Variants in MTPAP observed in about 807,000 individuals in gnomAD.
The protein encoded by MTPAP is mitochondrial poly(A) polymerase, also known as poly(A) RNA polymerase, mitochondrial.
In MTPAP, 23 loss-of-function variants were observed where a neutral mutation model predicts 48.7. The ratio of observed to expected loss-of-function variants is 0.47; its 90% confidence interval spans 0.34 to 0.67. MTPAP has a LOEUF of 0.67. MTPAP is among the 30% of genes least tolerant of loss of function. The probability of loss-of-function intolerance (pLI) is 0.01; values close to 1 mark genes in which losing one functional copy is unlikely to be tolerated. For missense variants in MTPAP, 614 were observed against 694.3 expected, an observed-to-expected ratio of 0.88 and a Z score of 1.30; for synonymous variants, 257 against 254.1, an observed-to-expected ratio of 1.01 and a Z score of -0.11.
In MTPAP at chr10:30,309,839, T is replaced by C. The variant is rs1840570873; in HGVS notation, c.*3770A>G. ...CAACTTTATTTTCCCTTCTCCTTTA[T>C]GGTAACTGAAGGTGAATGAGATAAT... On this transcript the variant is annotated 3_prime_UTR_variant, in exon 9 of 9. Transcript: ENST00000263063. The C allele has an allele frequency of 6.6e-6, 1 of 152,246 alleles. No homozygotes were observed. The allele number at this position is 152,246 out of a possible 1,614,324, so 9.4% of individuals were successfully genotyped here.
In MTPAP at chr10:30,337,022, G is replaced by C; in HGVS notation, c.561C>G (p.Asp187Glu). The change falls in exon 4 of 9, where the codon GAC becomes GAG. Residue 187 changes from aspartate (D) to glutamate (E), a missense_variant. Asp to Glu is a conservative substitution (Grantham distance 45). Around this residue, in one of 5 missense-constraint regions of MTPAP, gnomAD observed 114 missense variants for 107.9 expected, o/e 1.06. Transcript: ENST00000263063. ...CCTTCAAGAGAGTGTTCAGCTGATC[G>C]TCTATCTAGCTAGCCGAAACAAAAC... ...FELLCYAESI[D>E]DQLNTLLKEF... is the part of the protein sequence containing the mutation. The C allele has an allele frequency of 1.2e-6, 2 of 1,612,098 alleles. No homozygotes were observed. The highest frequency in any genetic ancestry group is 1.7e-6 in the Non-Finnish European group (2 of 1,179,126).
At chr10:30,316,237 C>CG in intron 6 of MTPAP, 27 bp from the exon 7 acceptor site, 1 of 1,567,940 alleles carries the variant, frequency 6.4e-7, no homozygotes, top group African/African-American at 1.4e-5. Flanking sequence ...AAATATTTCA[C>CG]GTGTTTTTTT....
chr10:30,341,386 A>G, intron 2 of MTPAP, 82 bp downstream of exon 2: 1 of 1,523,522 alleles, frequency 6.6e-7, no homozygotes, highest in African/African-American at 1.4e-5. Flanking sequence ...TATTGCAAAA[A>G]GCAACAGCAA....
chr10:30,325,866 A>G (rs762229074), intron 5 of MTPAP, among the ~76,000 whole-genome samples: 1 of 151,490 alleles, frequency 6.6e-6, no homozygotes, highest in Non-Finnish European at 1.5e-5. Flanking sequence ...ACAAATCACT[A>G]GGATAATACA....
At chr10:30,325,885 AG>A (rs1834589886) in intron 5 of MTPAP, among the ~76,000 whole-genome samples, 2 of 142,984 alleles carry the variant, frequency 1.4e-5, no homozygotes, top group Non-Finnish European at 3.0e-5. Flanking sequence ...CAATGCACAT[AG>A]GCTGAACAAA....
chr10:30,346,200 A>C (rs1834872132), intron 1 of MTPAP, among the ~76,000 whole-genome samples: 1 of 152,182 alleles, frequency 6.6e-6, no homozygotes, highest in Admixed American at 6.5e-5. Flanking sequence ...TTCTGGATTG[A>C]GGATAGGAAG....
chr10:30,330,971 T>A (rs929709569), intron 4 of MTPAP, among the ~76,000 whole-genome samples: 7 of 152,180 alleles, frequency 4.6e-5, no homozygotes, highest in African/African-American at 1.7e-4. Flanking sequence ...GGTGATGTGT[T>A]AAGCCACTGA....
At chr10:30,331,200 G>T (rs545188302) in intron 4 of MTPAP, among the ~76,000 whole-genome samples, 38 of 152,258 alleles carry the variant, frequency 2.5e-4, no homozygotes, top group Non-Finnish European at 4.4e-4. Context: ...TAGAAAAACT[G>T]TTCACAGACA....
chr10:30,329,886 G>A (rs938148507), intron 4 of MTPAP, among the ~76,000 whole-genome samples: 1 of 151,344 alleles, frequency 6.6e-6, no homozygotes, highest in South Asian at 2.1e-4. Context: ...ACAGTAGATT[G>A]AACTGCCAAG....
In MTPAP at chr10:30,312,946, GT is replaced by G. The variant is rs1421051893; in HGVS notation, c.*662del. 6.6e-6 allele frequency: 1 copy of G among 152,280 alleles called. No homozygotes were observed. The highest frequency in any genetic ancestry group is 1.5e-5 in the Non-Finnish European group (1 of 68,084). 9.4% of individuals were successfully genotyped at this position (152,280 alleles called of 1,614,324 possible). A position where few individuals can be genotyped will look rare whatever the true frequency, so the allele number is the denominator to read the frequency against. On this transcript the variant is annotated 3_prime_UTR_variant, in exon 9 of 9. Coordinates refer to ENST00000263063, the MANE Select transcript of MTPAP (RefSeq NM_018109.4). ...TACCTAAGAATGCAGTGACTGAAAT[GT>G]CTGTTCTAAAAACATAAACATTTTT...
At position 30,349,192 on chromosome 10, in the gene MTPAP, C is replaced by T; in HGVS notation, c.84G>A (p.Arg28=). 1 of 1,612,244 alleles carries T rather than the reference C, an allele frequency of 6.2e-7. No homozygotes were observed. Among genetic ancestry groups the T allele is most frequent in the Non-Finnish European group, 8.5e-7 (1 of 1,179,566 alleles). ...RRTRVQRPIV[R]LLSCPGTVAK... is the part of the protein sequence containing the mutation. ...CCACAGTTCCTGGGCAACTCAAAAG[C>T]CTGACGATAGGCCGCTGGACTCGAG... Residue 28 remains arginine (R), a synonymous_variant, in exon 1 of 9, where the codon AGG becomes AGA. Coordinates refer to ENST00000263063, the MANE Select transcript of MTPAP (RefSeq NM_018109.4).
In MTPAP at chr10:30,313,305, C is replaced by T. The variant is rs1286524824; in HGVS notation, c.*304G>A. 3.5e-5 allele frequency: 13 copies of T among 367,592 alleles called. No homozygotes were observed. The highest frequency in any genetic ancestry group is 6.0e-5 in the Non-Finnish European group (12 of 199,152). The allele number at this position is 367,592 out of a possible 1,614,324, so 22.8% of individuals were successfully genotyped here. On this transcript the variant is annotated 3_prime_UTR_variant, in exon 9 of 9. Coordinates refer to ENST00000263063, the MANE Select transcript of MTPAP (RefSeq NM_018109.4). ...AGATGGAATCTTGCTATGTTGTCCACGATGGATTCAAAATCCTGGGCTCAA... is the reference window on the plus strand; with the variant it reads ...AGATGGAATCTTGCTATGTTGTCCATGATGGATTCAAAATCCTGGGCTCAA...
At chr10:30,322,989 C>A (rs1256614971) in intron 5 of MTPAP, among the ~76,000 whole-genome samples, 1 of 151,286 alleles carries the variant, frequency 6.6e-6, no homozygotes, top group Non-Finnish European at 1.5e-5. Flanking sequence ...TTCAGCTGGG[C>A]GTGGTGGCGT....
intron 5 of MTPAP, among the ~76,000 whole-genome samples, chr10:30,323,756 C>T (rs1002270325): frequency 7.9e-5 from 12 of 152,192 alleles, no homozygotes; most frequent in Admixed American, 5.2e-4. Context: ...GTGATCCACT[C>T]GCCTCGGCCT....
chr10:30,320,731 G>A (rs900353966), intron 6 of MTPAP, among the ~76,000 whole-genome samples: 10 of 152,164 alleles, frequency 6.6e-5, no homozygotes, highest in African/African-American at 2.4e-4. Flanking sequence ...AGGACAACAG[G>A]GCCTTAACAT....
At chr10:30,347,267 G>C (rs1164370752) in intron 1 of MTPAP, among the ~76,000 whole-genome samples, 1 of 152,170 alleles carries the variant, frequency 6.6e-6, no homozygotes, top group Non-Finnish European at 1.5e-5. Flanking sequence ...AACCATTAGA[G>C]GCTGACCAAA....
At chr10:30,337,466 C>CGGT (rs1381426503) in intron 3 of MTPAP, among the ~76,000 whole-genome samples, 1 of 152,000 alleles carries the variant, frequency 6.6e-6, no homozygotes, top group African/African-American at 2.4e-5. Flanking sequence ...AGGCCAGGCG[C>CGGT]GGTGGCTCAT....
In MTPAP at chr10:30,313,691, T is replaced by G. The variant is rs1415093650; in HGVS notation, c.1667A>C (p.Asn556Thr). Residue 556 changes from asparagine (N) to threonine (T), a missense_variant, in exon 9 of 9, where the codon AAC (asparagine) becomes ACC (threonine). Asn to Thr is a moderately conservative substitution (Grantham distance 65). Transcript: ENST00000263063. ...SNKFAIETVK[N>T]LLESLKGNRT... ...GTTACCTTTTAAAGATTCTAGCAAGTTTTTGACTGTTTCAATTGCAAACTT... is the reference window on the plus strand; with the variant it reads ...GTTACCTTTTAAAGATTCTAGCAAGGTTTTGACTGTTTCAATTGCAAACTT... 2.5e-6 allele frequency: 4 copies of G among 1,614,194 alleles called. No homozygotes were observed. The highest frequency in any genetic ancestry group is 3.4e-6 in the Non-Finnish European group (4 of 1,180,000).
intron 4 of MTPAP, among the ~76,000 whole-genome samples, chr10:30,330,990 A>G (rs1834659257): frequency 6.6e-6 from 1 of 152,182 alleles, no homozygotes; most frequent in African/African-American, 2.4e-5. Flanking sequence ...GAGATCTTTG[A>G]GATATGGGAG....
Sources: allele counts gnomAD v4.1 joint callset (sites outside exome capture counted in the v4.1 genomes callset), GRCh38; gene constraint gnomAD v4.1.1; regional missense constraint gnomAD v4.1.1; transcripts MANE v1.5; gene names NCBI Gene and HGNC (gene_info 2026-07-23, HGNC 2026-07-21).